ADAMTS18: variants seen among roughly 807,000 people sequenced by gnomAD.
ADAMTS18 encodes the protein ADAM metallopeptidase with thrombospondin type 1 motif 18.
Under a neutral mutation model 165.9 loss-of-function variants are expected in ADAMTS18, and 157 were observed. The observed-to-expected ratio is 0.95, with a 90% CI of 0.83 to 1.08. The LOEUF (loss-of-function observed/expected upper bound fraction) is 1.08, where lower values mean the gene tolerates loss of function less well. ADAMTS18 is among the 50% of genes least tolerant of loss of function. The pLI is 0.00. For synonymous variants in ADAMTS18, 782 were observed against 578.2 expected (o/e 1.35, Z -5.06); for missense variants, 2,040 against 1,534.0 (o/e 1.33, Z -5.51).
intron 3 of ADAMTS18, among the ~76,000 whole-genome samples, chr16:77,417,793 C>G (rs906907121): frequency 1.3e-5 from 2 of 152,198 alleles, no homozygotes; most frequent in African/African-American, 2.4e-5. Context: ...CAACTACATA[C>G]AATAGATAGA....
intron 16 of ADAMTS18, among the ~76,000 whole-genome samples, chr16:77,313,341 G>T (rs937718452): frequency 6.6e-6 from 1 of 151,996 alleles, no homozygotes; most frequent in African/African-American, 2.4e-5. Flanking sequence ...TATACCTAAC[G>T]TAAATGACGA....
At chr16:77,329,159 G>C (rs774990491) in intron 12 of ADAMTS18, among the ~76,000 whole-genome samples, 1 of 151,738 alleles carries the variant, frequency 6.6e-6, no homozygotes, top group Non-Finnish European at 1.5e-5. Context: ...AGGCTGGAGT[G>C]AACTGGCACA....
chr16:77,295,273 G>A, intron 18 of ADAMTS18, 146 bp from the exon 19 acceptor site: 2 of 818,916 alleles, frequency 2.4e-6, no homozygotes, highest in East Asian at 5.3e-5. Flanking sequence ...GTTCTTTGAG[G>A]GATCCAGAGG....
intron 6 of ADAMTS18, among the ~76,000 whole-genome samples, chr16:77,363,482 T>G (rs1022288803): frequency 2.6e-5 from 4 of 152,034 alleles, no homozygotes; most frequent in Non-Finnish European, 4.4e-5. Flanking sequence ...GAAGCCTACA[T>G]AAGATTTATT....
intron 8 of ADAMTS18, 140 bp from the exon 9 acceptor site, chr16:77,356,217 C>T (rs2056628208): frequency 2.8e-6 from 3 of 1,084,022 alleles, no homozygotes; most frequent in Middle Eastern, 2.1e-4. Context: ...AAGAGAAAGG[C>T]AAATTACTAT....
At chr16:77,400,604 C>G (rs568005536) in intron 3 of ADAMTS18, among the ~76,000 whole-genome samples, 1 of 151,896 alleles carries the variant, frequency 6.6e-6, no homozygotes, top group Non-Finnish European at 1.5e-5. Context: ...GCCTCAGCCT[C>G]CTAAGTAGCT....
intron 3 of ADAMTS18, among the ~76,000 whole-genome samples, 157 bp from the exon 4 acceptor site, chr16:77,367,880 A>C (rs1005016585): frequency 6.6e-6 from 1 of 152,140 alleles, no homozygotes. Context: ...CATTACAACG[A>C]GTTGCTATTA....
At position 77,300,364 on chromosome 16, in the gene ADAMTS18, T is replaced by A. The variant is rs746907592; in HGVS notation, c.2573A>T (p.Tyr858Phe). The A allele has an allele frequency of 6.2e-7, 1 of 1,613,874 alleles. No individual in the cohort carries two copies. Among genetic ancestry groups the A allele is most frequent in the Admixed American group, 1.7e-5 (1 of 59,990 alleles). ...TCCATTCATGACCTTGGGAAGTGCATACTTCCAAGCTATCCCTGGATTTTT... is the reference window on the plus strand; with the variant it reads ...TCCATTCATGACCTTGGGAAGTGCAAACTTCCAAGCTATCCCTGGATTTTT... ...QGKNPGIAWKYALPKVMNGTP... is the reference protein window; with the variant it reads ...QGKNPGIAWKFALPKVMNGTP... Residue 858 changes from tyrosine (Y) to phenylalanine (F), a missense_variant, in exon 17 of 23, where the codon TAT (tyrosine) becomes TTT (phenylalanine). Transcript: ENST00000282849.
intron 11 of ADAMTS18, among the ~76,000 whole-genome samples, chr16:77,339,063 C>A (rs1276606579): frequency 6.6e-6 from 1 of 151,586 alleles, no homozygotes; most frequent in Non-Finnish European, 1.5e-5. Context: ...AGAGGAAGGA[C>A]AGAGTTGGGT....
chr16:77,397,100 C>T (rs563805142), intron 3 of ADAMTS18, among the ~76,000 whole-genome samples: 1 of 152,252 alleles, frequency 6.6e-6, no homozygotes, highest in African/African-American at 2.4e-5. Context: ...TGAGCCACCA[C>T]GGCCGGCCTG....
intron 10 of ADAMTS18, among the ~76,000 whole-genome samples, chr16:77,346,576 G>A (rs969929127): frequency 6.6e-5 from 10 of 152,098 alleles, no homozygotes; most frequent in Non-Finnish European, 1.5e-4. Flanking sequence ...GTGGCCACAT[G>A]ACGAAAGTAT....
chr16:77,305,122 G>C (rs2055658501), intron 16 of ADAMTS18, among the ~76,000 whole-genome samples: 1 of 17,864 alleles, frequency 5.6e-5, no homozygotes, highest in African/African-American at 3.4e-4. Flanking sequence ...TAAGTACCAA[G>C]ACAAATATAT....
At chr16:77,309,216 AGT>A (rs764511348) in intron 16 of ADAMTS18, among the ~76,000 whole-genome samples, 19 of 149,960 alleles carry the variant, frequency 1.3e-4, no homozygotes, top group African/African-American at 3.0e-4. Flanking sequence ...GTAGCTGGCT[AGT>A]TTTTTTTTTT....
intron 22 of ADAMTS18, among the ~76,000 whole-genome samples, chr16:77,284,720 G>A (rs1362249922): frequency 6.6e-6 from 1 of 152,174 alleles, no homozygotes; most frequent in Non-Finnish European, 1.5e-5. Flanking sequence ...GGAATTCAGT[G>A]TCCAGGGAAA....
intron 22 of ADAMTS18, among the ~76,000 whole-genome samples, chr16:77,287,912 G>T (rs2055286277): frequency 6.6e-6 from 1 of 151,970 alleles, no homozygotes; most frequent in African/African-American, 2.4e-5. Context: ...TTTAAGAACA[G>T]GACCTTTTAA....
intron 3 of ADAMTS18, among the ~76,000 whole-genome samples, chr16:77,413,222 A>T (rs957052833): frequency 1.3e-5 from 2 of 152,100 alleles, no homozygotes; most frequent in Non-Finnish European, 2.9e-5. Flanking sequence ...CCTGCTCCTC[A>T]TTTCAAGTAT....
rs768827070 is a variant in ADAMTS18 at position 77,282,411 on chromosome 16, C to A, written c.*1545G>T. On this transcript the variant is annotated 3_prime_UTR_variant, in exon 23 of 23. Transcript: ENST00000282849. The stretch of plus-strand genomic sequence containing the variant: ...TTTTTTTTCCTGTTGATAAAATGGC[C>A]ACTTCTCTAGGCCAAGCCAAGCAGA... The A allele has an allele frequency of 1.1e-4, 16 of 151,830 alleles. No individual in the cohort carries two copies. The highest frequency in any genetic ancestry group is 1.8e-4 in the Non-Finnish European group (12 of 67,976). The allele number at this position is 151,830 out of a possible 1,614,324, so 9.4% of individuals were successfully genotyped here.
rs11643553 is a variant in ADAMTS18, at chr16:77,289,415, C to G, written c.3403-4G>C. The G allele has an allele frequency of 5.5e-3, 8,946 of 1,613,934 alleles. 39 individuals are homozygous for G. Among genetic ancestry groups the G allele is most frequent in the Non-Finnish European group, 6.5e-3 (7,658 of 1,179,930 alleles). On this transcript the variant is annotated splice_polypyrimidine_tract_variant and splice_region_variant and intron_variant, in intron 21 of 22. Transcript: ENST00000282849. Reference sequence around the variant, plus strand: ...CTCCCCCACAGGTGACTGTGCACTGCAGCAGAGAGAAGAGGAAGGAGTCAG... The same window carrying G: ...CTCCCCCACAGGTGACTGTGCACTGGAGCAGAGAGAAGAGGAAGGAGTCAG...
In ADAMTS18 at chr16:77,284,059, C is replaced by G; in HGVS notation, c.3563G>C (p.Cys1188Ser). ...PAPEKREDPSCVDFFNWCHLV... is the reference protein window; with the variant it reads ...PAPEKREDPSSVDFFNWCHLV... ...GTGACACCAGTTGAAGAAATCTACG[C>G]AGGATGGATCCTCTAAAATAAGAAA... The change falls in exon 23 of 23, where the codon TGC becomes TCC. Residue 1188 changes from cysteine (C) to serine (S), a missense_variant. Transcript: ENST00000282849. 3 of 1,610,418 alleles carry G rather than the reference C, an allele frequency of 1.9e-6. No homozygotes were observed. Among genetic ancestry groups the G allele is most frequent in the Non-Finnish European group, 2.5e-6 (3 of 1,176,842 alleles).
Sources: gnomAD v4.1 joint callset for allele counts (sites outside exome capture counted in the v4.1 genomes callset) on GRCh38, gnomAD v4.1.1 for gene constraint, MANE v1.5 for transcripts, NCBI Gene and HGNC (gene_info 2026-07-23, HGNC 2026-07-21) for gene names.